The following ANK3 variants were observed in gnomAD, a reference collection of about 807,000 sequenced individuals.
ANK3 encodes ankyrin 3, also known as ankyrin-3.
A neutral mutation model predicts 370.9 loss-of-function variants in ANK3; 57 were observed. That is an observed-to-expected ratio of 0.15 (90% confidence interval 0.12 to 0.19). ANK3 has a LOEUF of 0.19. ANK3 is among the 10% of genes least tolerant of loss of function. The probability of loss-of-function intolerance (pLI) is 1.00; values close to 1 mark genes in which losing one functional copy is unlikely to be tolerated. For missense variants in ANK3, 4,439 were observed against 5,302.1 expected, an observed-to-expected ratio of 0.84 and a Z score of 5.06; for synonymous variants, 1,929 against 1,946.3, an observed-to-expected ratio of 0.99 and a Z score of 0.23.
rs532945351 is a variant in ANK3, at chr10:60,059,290, C to T, written c.12686+50G>A. 2.8e-4 allele frequency: 413 copies of T among 1,474,482 alleles called. 2 individuals are homozygous for T. In the African/African-American group the frequency reaches 4.6e-3, roughly 16 times the overall value. 91.3% of individuals were successfully genotyped at this position (1,474,482 alleles called of 1,614,324 possible). A position where few individuals can be genotyped will look rare whatever the true frequency, so the allele number is the denominator to read the frequency against. ...CTAAAAAGCATGTATTTAAGATAAA[C>T]TATTAACAAGTAACCTGTGTTCACT... is the stretch of plus-strand genomic sequence containing the variant. On this transcript the variant is annotated intron_variant, in intron 41 of 43. Coordinates refer to ENST00000280772, the MANE Select transcript of ANK3 (RefSeq NM_020987.5).
At chr10:60,236,458 C>A (rs528750799) in intron 7 of ANK3, among the ~76,000 whole-genome samples, 52 of 152,272 alleles carry the variant, frequency 3.4e-4, no homozygotes, top group Non-Finnish European at 6.6e-4. Context: ...CTCTATCCCA[C>A]CTTTTTCCCC....
intron 4 of ANK3, among the ~76,000 whole-genome samples, chr10:60,275,435 A>G (rs1371771674): frequency 1.3e-5 from 2 of 152,114 alleles, no homozygotes; most frequent in Non-Finnish European, 2.9e-5. Flanking sequence ...TCATCCATGA[A>G]ATTTTTCTAC....
chr10:60,686,878 ATAGAG>A (rs1472783644), intron 1 of ANK3, among the ~76,000 whole-genome samples: 3 of 152,216 alleles, frequency 2.0e-5, no homozygotes, highest in African/African-American at 4.8e-5. Flanking sequence ...ACCCTGCAAA[ATAGAG>A]TAAAGTGTAA....
rs1253861638 is a variant in ANK3 at position 60,642,345 on chromosome 10, C to A, written c.58-27121G>T. ...GACACATGCACACGTATGTTTATTG[C>A]GGCACTATTCACAATAGCAAAGACT... On this transcript the variant is annotated intron_variant, in intron 1 of 43. Coordinates refer to the ANK3 transcript ENST00000373827. Among the ~76,000 whole-genome samples, 3 of 151,088 alleles carry A rather than the reference C, an allele frequency of 2.0e-5. No homozygotes were observed. In the South Asian group the frequency reaches 6.3e-4, roughly 32 times the overall value.
At chr10:60,440,387 G>C (rs2064270590) in intron 2 of ANK3, among the ~76,000 whole-genome samples, 1 of 152,162 alleles carries the variant, frequency 6.6e-6, no homozygotes, top group Non-Finnish European at 1.5e-5. Flanking sequence ...CATGGTGGAA[G>C]GGGGAGCAGG....
chr10:60,068,218 C>T (rs1162932257), intron 37 of ANK3, among the ~76,000 whole-genome samples: 2 of 152,098 alleles, frequency 1.3e-5, no homozygotes, highest in African/African-American at 2.4e-5. Context: ...CATGGATGCT[C>T]AATGTAATGG....
chr10:60,721,351 A>G (rs959104333), intron 1 of ANK3, among the ~76,000 whole-genome samples: 5 of 152,216 alleles, frequency 3.3e-5, no homozygotes, highest in Non-Finnish European at 7.3e-5. Context: ...AAAAATGCAA[A>G]GGCAGACTGC....
chr10:60,487,839 C>T (rs572752761), intron 2 of ANK3, among the ~76,000 whole-genome samples: 79 of 152,002 alleles, frequency 5.2e-4, no homozygotes, highest in Middle Eastern at 3.4e-3. Flanking sequence ...CTCAGCCGCC[C>T]GAGTAGCTGG....
intron 1 of ANK3, among the ~76,000 whole-genome samples, chr10:60,665,270 T>C (rs74155652): frequency 0.052 from 7,938 of 151,568 alleles, 280 homozygotes; most frequent in African/African-American, 0.087. Context: ...TGTCCACTCT[T>C]ATTTTGTTTG....
intron 2 of ANK3, among the ~76,000 whole-genome samples, chr10:60,431,517 C>T (rs189717952): frequency 6.6e-6 from 1 of 152,100 alleles, no homozygotes; most frequent in African/African-American, 2.4e-5. Flanking sequence ...GGAATAAGGA[C>T]CCCCGAAGTA....
intron 28 of ANK3, among the ~76,000 whole-genome samples, chr10:60,103,235 C>A (rs372258652): frequency 2.0e-5 from 3 of 152,096 alleles, no homozygotes; most frequent in African/African-American, 4.8e-5. Context: ...CAGGCGTGAA[C>A]CACACTGCAC....
At chr10:60,192,630 G>A (rs1042998254) in intron 16 of ANK3, among the ~76,000 whole-genome samples, 2 of 152,094 alleles carry the variant, frequency 1.3e-5, no homozygotes, top group Non-Finnish European at 2.9e-5. Context: ...GCCTGAAAGC[G>A]AGAGCTAAAT....
chr10:60,619,835 G>A (rs2078312657), intron 1 of ANK3, among the ~76,000 whole-genome samples: 3 of 152,156 alleles, frequency 2.0e-5, no homozygotes, highest in Admixed American at 2.0e-4. Flanking sequence ...AGAACCATTA[G>A]TTACCAAACA....
At chr10:60,553,762 AAGAT>A (rs1204327317) in intron 2 of ANK3, among the ~76,000 whole-genome samples, 34 of 152,340 alleles carry the variant, frequency 2.2e-4, no homozygotes, top group African/African-American at 7.5e-4. Flanking sequence ...AAAGGAAAAG[AAGAT>A]AGGTATATAT....
intron 2 of ANK3, among the ~76,000 whole-genome samples, chr10:60,571,322 C>T (rs2077594006): frequency 6.6e-6 from 1 of 152,072 alleles, no homozygotes; most frequent in Non-Finnish European, 1.5e-5. Context: ...GTAGTAGGTC[C>T]CTTAAGAACA....
chr10:60,059,950 G>A lies in ANK3; in HGVS notation c.12596-520C>T, dbSNP rs933537941. 3.7e-6 allele frequency: 6 copies of A among 1,613,428 alleles called. No individual in the cohort carries two copies. In the East Asian group the frequency reaches 6.7e-5, roughly 18 times the overall value. On this transcript the variant is annotated intron_variant, in intron 40 of 43. Transcript: ENST00000280772. Reference sequence around the variant, plus strand: ...TAATCATCTTGCTGGAAAGGGGTAGGTGGTGTGTAGTGCAACCCTGTGGGG... The same window carrying A: ...TAATCATCTTGCTGGAAAGGGGTAGATGGTGTGTAGTGCAACCCTGTGGGG...
At chr10:60,557,503 T>C (rs1272841105) in intron 2 of ANK3, among the ~76,000 whole-genome samples, 4 of 152,106 alleles carry the variant, frequency 2.6e-5, no homozygotes, top group Non-Finnish European at 5.9e-5. Context: ...TGGAGGGACT[T>C]AATGAGTACA....
chr10:60,179,524 G>A (rs2132337651), intron 18 of ANK3, among the ~76,000 whole-genome samples: 1 of 152,200 alleles, frequency 6.6e-6, no homozygotes, highest in Admixed American at 6.5e-5. Context: ...GCGATACCCT[G>A]CCTCTGCTAA....
chr10:60,463,297 C>G (rs964918585), intron 2 of ANK3, among the ~76,000 whole-genome samples: 4 of 152,254 alleles, frequency 2.6e-5, no homozygotes, highest in South Asian at 2.1e-4. Context: ...TAAGAGTCAT[C>G]TTTTGACCCA....
Sources: gnomAD v4.1 joint callset for allele counts (sites outside exome capture counted in the v4.1 genomes callset) on GRCh38, gnomAD v4.1.1 for gene constraint, MANE v1.5 for transcripts, NCBI Gene and HGNC (gene_info 2026-07-23, HGNC 2026-07-21) for gene names.